RAB11FIP3: variants seen among roughly 807,000 people sequenced by gnomAD.
RAB11FIP3 encodes rab11 family-interacting protein 3.
In RAB11FIP3, 17 loss-of-function variants were observed where a neutral mutation model predicts 77.8. The observed-to-expected ratio is 0.22, with a 90% CI of 0.15 to 0.33. RAB11FIP3 has a LOEUF of 0.33. Ranked by LOEUF, RAB11FIP3 falls within the 10% of genes least tolerant of loss-of-function variation. The pLI, the probability that RAB11FIP3 is intolerant of heterozygous loss-of-function variation, is 1.00. For synonymous variants in RAB11FIP3, 437 were observed against 448.2 expected (o/e 0.98, Z 0.31); for missense variants, 1,005 against 1,011.2 (o/e 0.99, Z 0.08).
chr16:467,114 G>A (rs2055713980), intron 2 of RAB11FIP3, among the ~76,000 whole-genome samples: 1 of 152,174 alleles, frequency 6.6e-6, no homozygotes, highest in Non-Finnish European at 1.5e-5. Context: ...CTTTCTAGTG[G>A]GAGACAGACC....
chr16:483,486 A>G (rs1026162075), intron 4 of RAB11FIP3, among the ~76,000 whole-genome samples: 1 of 152,188 alleles, frequency 6.6e-6, no homozygotes, highest in African/African-American at 2.4e-5. Flanking sequence ...TTTTTATAGC[A>G]GCGACAGCAC....
chr16:427,633 A>T (rs530647310), intron 1 of RAB11FIP3, among the ~76,000 whole-genome samples: 32 of 152,338 alleles, frequency 2.1e-4, no homozygotes, highest in Non-Finnish European at 4.4e-4. Flanking sequence ...TAAATATTTT[A>T]CTTAGCAGGA....
intron 1 of RAB11FIP3, among the ~76,000 whole-genome samples, chr16:454,280 A>T (rs970675951): frequency 1.6e-4 from 24 of 152,180 alleles, no homozygotes; most frequent in Admixed American, 2.0e-4. Context: ...ACTAAATGGG[A>T]ATTAAAAACT....
Position 520,192 on chromosome 16 carries a change from G to C in RAB11FIP3, c.1931G>C (p.Gly644Ala). The change falls in exon 12 of 14, where the codon GGC becomes GCC. Residue 644 changes from glycine to alanine, a missense_variant. Coordinates refer to ENST00000262305, the MANE Select transcript of RAB11FIP3 (RefSeq NM_014700.4). ...LLKLEAEQRR[G>A]RSSSMGLQEY... ...AAGCTGGAGGCCGAGCAGCGGCGGG[G>C]CCGCAGCAGCAGCATGGGCCTGCAG... 1 of 1,545,470 alleles carries C rather than the reference G, an allele frequency of 6.5e-7. No homozygotes were observed. The highest frequency in any genetic ancestry group is 8.7e-7 in the Non-Finnish European group (1 of 1,147,694).
At chr16:453,940 T>G (rs2055453357) in intron 1 of RAB11FIP3, among the ~76,000 whole-genome samples, 1 of 95,248 alleles carries the variant, frequency 1.0e-5, no homozygotes, top group Non-Finnish European at 2.3e-5. Flanking sequence ...GAGCTGCCAG[T>G]GAGCACATTT....
chr16:439,170 A>G (rs1301028859), intron 1 of RAB11FIP3: 1 of 152,250 alleles, frequency 6.6e-6, no homozygotes, highest in African/African-American at 2.4e-5. Context: ...TCTTGAGACT[A>G]ACAGGCTAGG....
At chr16:443,937 A>G (rs1385494389) in intron 1 of RAB11FIP3, among the ~76,000 whole-genome samples, 1 of 152,208 alleles carries the variant, frequency 6.6e-6, no homozygotes, top group African/African-American at 2.4e-5. Flanking sequence ...AGTATTGCCA[A>G]TCTGATACAG....
rs2031818758 is a variant in RAB11FIP3, at chr16:505,420, C to A, written c.1396-104C>A. On this transcript the variant is annotated intron_variant, in intron 7 of 13. Transcript: ENST00000262305. This position sits in a 1 kb window ranked among gnomAD's most constrained non-coding sequence, Gnocchi z 4.0. ...CCAGCCTAGCTAGGTGGATCTGATT[C>A]TGTGCTGAGAAAATCCCCAGGCGGC... The A allele has an allele frequency of 4.8e-6, 4 of 833,330 alleles. No homozygotes were observed. Among genetic ancestry groups the A allele is most frequent in the Non-Finnish European group, 7.5e-6 (4 of 536,854 alleles). The allele number at this position is 833,330 out of a possible 1,614,324, so 51.6% of individuals were successfully genotyped here.
intron 2 of RAB11FIP3, among the ~76,000 whole-genome samples, chr16:467,958 G>C (rs867474456): frequency 8.8e-6 from 1 of 113,278 alleles, no homozygotes. Context: ...GGGAGGAGGT[G>C]CTGGGGCGTC....
intron 1 of RAB11FIP3, among the ~76,000 whole-genome samples, chr16:443,572 GT>G (rs2055260769): frequency 6.7e-6 from 1 of 150,264 alleles, no homozygotes; most frequent in African/African-American, 2.5e-5. Context: ...GGTGGTGGTG[GT>G]TGTTGTTGTT....
chr16:457,159 G>A (rs968162176), intron 1 of RAB11FIP3, among the ~76,000 whole-genome samples: 6 of 152,200 alleles, frequency 3.9e-5, no homozygotes, highest in Admixed American at 2.0e-4. Flanking sequence ...GTGCTTTGCT[G>A]TGAAGCCATA....
intron 1 of RAB11FIP3, among the ~76,000 whole-genome samples, chr16:451,825 ACTCT>A (rs956948466): frequency 1.3e-4 from 20 of 149,318 alleles, no homozygotes; most frequent in Non-Finnish European, 2.4e-4. Context: ...ACAGAGCAAG[ACTCT>A]CTCTCAAAAA....
At chr16:482,927 G>A (rs919165539) in intron 4 of RAB11FIP3, among the ~76,000 whole-genome samples, 191 bp downstream of exon 4, 6 of 152,178 alleles carry the variant, frequency 3.9e-5, no homozygotes, top group African/African-American at 1.4e-4. Context: ...CGCCTTGCCC[G>A]AGCAGTCTCC....
rs1567124808 is a variant in RAB11FIP3 at position 522,273 on chromosome 16, T to TAC, written c.*1434_*1435insAC. The TAC allele has an allele frequency of 6.8e-6, 1 of 146,188 alleles. No homozygotes were observed. Among genetic ancestry groups the TAC allele is most frequent in the African/African-American group, 2.5e-5 (1 of 39,796 alleles). The allele number at this position is 146,188 out of a possible 1,614,324, so 9.1% of individuals were successfully genotyped here. A position where few individuals can be genotyped will look rare whatever the true frequency, so the allele number is the denominator to read the frequency against. ...ATATATATATATATATATATATATATGTATAATATATAAAGACTGGCACCC... is the reference window on the plus strand; with the variant it reads ...ATATATATATATATATATATATATATACGTATAATATATAAAGACTGGCACCC... On this transcript the variant is annotated 3_prime_UTR_variant, in exon 14 of 14. Transcript: ENST00000262305.
At chr16:502,939 G>C (rs1279672061) in intron 6 of RAB11FIP3, 65 bp from the exon 7 acceptor site, 2 of 1,292,326 alleles carry the variant, frequency 1.5e-6, no homozygotes, top group Non-Finnish European at 2.3e-6. Flanking sequence ...GGGAGTGCTT[G>C]TGCTGACGGA....
At chr16:499,977 C>T (rs1280845464) in intron 6 of RAB11FIP3, among the ~76,000 whole-genome samples, 1 of 152,206 alleles carries the variant, frequency 6.6e-6, no homozygotes, top group African/African-American at 2.4e-5. Flanking sequence ...CGTCGCGATT[C>T]GCTTCTCACA....
rs1056981791 is a variant in RAB11FIP3 at position 426,762 on chromosome 16, G to T, written c.714+42G>T. On this transcript the variant is annotated intron_variant, in intron 1 of 13. Transcript: ENST00000262305. The surrounding 1 kb of genome is among the most constrained non-coding windows in gnomAD (Gnocchi z 5.0). ...GCCGGGGCGTGGGAACTGGGCAGGT[G>T]CGCGCTGGCCGGCGGGGTTGATGTG... 2 of 1,434,984 alleles carry T rather than the reference G, an allele frequency of 1.4e-6. No individual in the cohort carries two copies. Among genetic ancestry groups the T allele is most frequent in the Admixed American group, 5.1e-5 (2 of 39,410 alleles). The allele number at this position is 1,434,984 out of a possible 1,614,324, so 88.9% of individuals were successfully genotyped here. A position where few individuals can be genotyped will look rare whatever the true frequency, so the allele number is the denominator to read the frequency against.
intron 5 of RAB11FIP3, among the ~76,000 whole-genome samples, chr16:491,812 T>C (rs946780614): frequency 6.6e-6 from 1 of 151,874 alleles, no homozygotes; most frequent in African/African-American, 2.4e-5. Flanking sequence ...GGCATCGTGT[T>C]GATTTCGCTT....
In RAB11FIP3 at chr16:471,414, TG is replaced by T. The variant is rs1295013780; in HGVS notation, c.903+30del. ...GGCAAGTGGTTTTCACCCAGGAGCTTGGGGGAAGTCTGGCATCCACCTCTTC... is the reference window on the plus strand; with the variant it reads ...GGCAAGTGGTTTTCACCCAGGAGCTTGGGGAAGTCTGGCATCCACCTCTTC... On this transcript the variant is annotated intron_variant, in intron 3 of 13. Coordinates refer to ENST00000262305, the MANE Select transcript of RAB11FIP3 (RefSeq NM_014700.4). This position sits in a 1 kb window ranked among gnomAD's most constrained non-coding sequence, Gnocchi z 4.4. 5.1e-6 allele frequency: 8 copies of T among 1,559,706 alleles called. No homozygotes were observed. The highest frequency in any genetic ancestry group is 7.0e-6 in the Non-Finnish European group (8 of 1,137,022).
Sources: allele counts gnomAD v4.1 joint callset (sites outside exome capture counted in the v4.1 genomes callset), GRCh38; gene constraint gnomAD v4.1.1; non-coding constraint Gnocchi (gnomAD v3.1); transcripts MANE v1.5; gene names NCBI Gene and HGNC (gene_info 2026-07-23, HGNC 2026-07-21).